LAMA1: variants seen among roughly 807,000 people sequenced by gnomAD.
LAMA1 encodes laminin subunit alpha-1.
A neutral mutation model predicts 348.7 loss-of-function variants in LAMA1; 219 were observed. That is an observed-to-expected ratio of 0.63 (90% CI 0.56 to 0.70). The LOEUF is 0.70. LAMA1 is among the 30% of genes least tolerant of loss of function. The probability of loss-of-function intolerance (pLI) is 0.00; values close to 1 mark genes in which losing one functional copy is unlikely to be tolerated. For missense variants in LAMA1, 3,744 were observed against 3,888.0 expected (o/e 0.96, Z 0.99); for synonymous variants, 1,487 against 1,491.0 (o/e 1.00, Z 0.06).
chr18:7,012,275 G>T, intron 23 of LAMA1, 137 bp from the exon 24 acceptor site: 1 of 906,308 alleles, frequency 1.1e-6, no homozygotes, highest in Non-Finnish European at 1.7e-6. Context: ...CTCTAGCCAG[G>T]CCCGGAGCTT....
At chr18:7,012,307 A>C (rs2057864374) in intron 23 of LAMA1, among the ~76,000 whole-genome samples, 169 bp from the exon 24 acceptor site, 1 of 152,058 alleles carries the variant, frequency 6.6e-6, no homozygotes, top group South Asian at 2.1e-4. Context: ...GTTTTCTCAA[A>C]GATCCAATCA....
chr18:7,033,741 C>CT (rs34533768), intron 14 of LAMA1, among the ~76,000 whole-genome samples: 68,101 of 149,010 alleles, frequency 0.46, 16,561 homozygotes, highest in African/African-American at 0.65. Context: ...ATGCATACAA[C>CT]TTTTTTTTTT....
At chr18:7,011,865 T>C in intron 24 of LAMA1, 130 bp downstream of exon 24, 1 of 1,130,104 alleles carries the variant, frequency 8.8e-7, no homozygotes, top group Non-Finnish European at 1.3e-6. Flanking sequence ...CTAACCCAAA[T>C]TAGCTTCCTA....
At chr18:6,955,572 C>T (rs751352500) in intron 56 of LAMA1, 107 bp from the exon 57 acceptor site, 17 of 759,194 alleles carry the variant, frequency 2.2e-5, no homozygotes, top group Middle Eastern at 2.9e-4. Context: ...CCCATTAGAA[C>T]AGCAACAACC....
chr18:6,947,060 A>T, intron 61 of LAMA1, 103 bp downstream of exon 61: 1 of 1,450,342 alleles, frequency 6.9e-7, no homozygotes, highest in Non-Finnish European at 9.7e-7. Context: ...CCATTGTTTG[A>T]CTCCATGAAA....
At chr18:6,996,255 A>G (rs1392864114) in intron 33 of LAMA1, among the ~76,000 whole-genome samples, 1 of 152,122 alleles carries the variant, frequency 6.6e-6, no homozygotes, top group Non-Finnish European at 1.5e-5. Flanking sequence ...TAGAGAAAAG[A>G]CCACTGCAAA....
intron 1 of LAMA1, among the ~76,000 whole-genome samples, chr18:7,116,740 G>A (rs1055754643): frequency 6.6e-6 from 1 of 152,228 alleles, no homozygotes; most frequent in Non-Finnish European, 1.5e-5. Flanking sequence ...GGTGGCGTGG[G>A]TGACTAGGGT....
rs2057543009 is a variant in LAMA1, at chr18:6,950,833, G to A, written c.8346C>T (p.Gly2782=). Residue 2782 remains glycine (G), a synonymous_variant, in exon 58 of 63, where the codon GGC becomes GGT. Coordinates refer to ENST00000389658, the MANE Select transcript of LAMA1 (RefSeq NM_005559.4). ...RLHFMFDLGK[G]RTKVSHPALL... Reference sequence around the variant, plus strand: ...GTGCAGGGTGAGAGACCTTTGTTCTGCCTTTGCCAAGGTCAAACATGAAGT... The same window carrying A: ...GTGCAGGGTGAGAGACCTTTGTTCTACCTTTGCCAAGGTCAAACATGAAGT... 4.3e-6 allele frequency: 7 copies of A among 1,614,120 alleles called. No individual in the cohort carries two copies. The East Asian group carries it at 8.9e-5, about 21-fold the overall frequency.
Position 6,950,967 on chromosome 18 carries a change from AGAGC to A in LAMA1, c.8208_8211del (p.Lys2736AsnfsTer5). On this transcript the variant is annotated frameshift_variant and splice_region_variant, in exon 58 of 63. Transcript: ENST00000389658. LOFTEE classifies it high-confidence loss of function. ...AACGTGCGGATGCTTAGCTCAACCG[AGAGC>A]CTGGGGAAAACAAGTGCTCAGCGTT... 1 of 1,613,550 alleles carries A rather than the reference AGAGC, an allele frequency of 6.2e-7. No homozygotes were observed. Among genetic ancestry groups the A allele is most frequent in the Non-Finnish European group, 8.5e-7 (1 of 1,179,852 alleles).
In LAMA1 at chr18:7,043,927, G is replaced by C. The variant is rs919844109; in HGVS notation, c.977-522C>G. Among the ~76,000 whole-genome samples the C allele has an allele frequency of 1.2e-4, 19 of 152,068 alleles. No individual in the cohort carries two copies. The East Asian group carries it at 1.5e-3, about 12-fold the overall frequency. ...TCCCAGCACTTTGGGAGGCCGAGGC[G>C]GGCGGATCACGAGGTCAAGAGATGG... On this transcript the variant is annotated intron_variant, in intron 7 of 62. Transcript: ENST00000389658.
chr18:7,069,899 T>C (rs2058139015), intron 3 of LAMA1, among the ~76,000 whole-genome samples: 1 of 151,878 alleles, frequency 6.6e-6, no homozygotes, highest in Non-Finnish European at 1.5e-5. Flanking sequence ...AGGCCTTTCC[T>C]AAATCCTGAC....
chr18:6,995,588 C>T, intron 33 of LAMA1, 142 bp from the exon 34 acceptor site: 1 of 664,308 alleles, frequency 1.5e-6, no homozygotes, highest in Non-Finnish European at 2.7e-6. Flanking sequence ...AAAAATGGAT[C>T]ACATTTACTT....
intron 48 of LAMA1, among the ~76,000 whole-genome samples, chr18:6,969,095 A>G (rs905903761): frequency 1.3e-5 from 2 of 152,140 alleles, no homozygotes; most frequent in African/African-American, 4.8e-5. Flanking sequence ...TGCCTATATC[A>G]GCACTTCACA....
rs1273905307 is a variant in LAMA1, at chr18:6,980,543, C to T, written c.5985G>A (p.Leu1995=). Residue 1995 remains leucine (L), a synonymous_variant, in exon 42 of 63, where the codon TTG becomes TTA. Transcript: ENST00000389658. ...EITRQTNESL[L]ILRAIPKGIR... is the part of the protein sequence containing the mutation. ...TACCTTTAGGAATTGCTCTAAGTAT[C>T]AAGAGTGATTCATTGGTTTGCCTGG... is the stretch of plus-strand genomic sequence containing the variant. 1 of 1,608,342 alleles carries T rather than the reference C, an allele frequency of 6.2e-7. No individual in the cohort carries two copies.
chr18:6,997,767 A>G lies in LAMA1; in HGVS notation c.4781T>C (p.Leu1594Pro). 2 of 1,614,036 alleles carry G rather than the reference A, an allele frequency of 1.2e-6. No homozygotes were observed. The highest frequency in any genetic ancestry group is 1.7e-6 in the Non-Finnish European group (2 of 1,179,902). ...CTGGAGATATTTAGTTGTATTTTCC[A>G]GGTTTGACAAAATTCCATATGGGAC... ...IPVPYGILSN[L>P]ENTTKYLQES... Residue 1594 changes from leucine (L) to proline (P), a missense_variant, in exon 33 of 63, where the codon CTG (leucine) becomes CCG (proline). This residue lies in a region of LAMA1 where 1,983 missense variants were observed against 1,934.3 expected (regional missense o/e 1.03). Coordinates refer to ENST00000389658, the MANE Select transcript of LAMA1 (RefSeq NM_005559.4).
At chr18:7,049,503 T>C (rs2058054763) in intron 4 of LAMA1, among the ~76,000 whole-genome samples, 1 of 152,162 alleles carries the variant, frequency 6.6e-6, no homozygotes, top group Admixed American at 6.5e-5. Flanking sequence ...TTTCACTATA[T>C]TCACCAGGTT....
At chr18:6,962,521 T>C (rs1184160770) in intron 51 of LAMA1, among the ~76,000 whole-genome samples, 1 of 151,992 alleles carries the variant, frequency 6.6e-6, no homozygotes, top group Non-Finnish European at 1.5e-5. Flanking sequence ...GCAATATTGA[T>C]AGTGAGAACT....
intron 1 of LAMA1, among the ~76,000 whole-genome samples, chr18:7,097,641 A>G (rs1206454056): frequency 6.6e-6 from 1 of 152,186 alleles, no homozygotes; most frequent in East Asian, 1.9e-4. Flanking sequence ...CTATAAAGCC[A>G]AAGAAGTCCA....
intron 3 of LAMA1, among the ~76,000 whole-genome samples, chr18:7,056,629 CCTAGGGT>C: frequency 6.6e-6 from 1 of 152,250 alleles, no homozygotes; most frequent in Non-Finnish European, 1.5e-5. Context: ...TCCACACACA[CCTAGGGT>C]CACTGAACTT....
Sources: gnomAD v4.1 joint callset for allele counts (sites outside exome capture counted in the v4.1 genomes callset) on GRCh38, gnomAD v4.1.1 for gene constraint, gnomAD v4.1.1 regional missense constraint, MANE v1.5 for transcripts, NCBI Gene and HGNC (gene_info 2026-07-23, HGNC 2026-07-21) for gene names.